CAMTA1: variants seen among roughly 807,000 people sequenced by gnomAD.
CAMTA1 encodes the protein calmodulin-binding transcription activator 1.
In CAMTA1, 27 loss-of-function variants were observed where a neutral mutation model predicts 170.9. The ratio of observed to expected loss-of-function variants is 0.16; its 90% confidence interval spans 0.12 to 0.22. The LOEUF is 0.22. CAMTA1 is among the 10% of genes least tolerant of loss of function. The pLI is 1.00. For missense variants in CAMTA1, 1,619 were observed against 2,217.2 expected, an observed-to-expected ratio of 0.73 and a Z score of 5.42; for synonymous variants, 833 against 891.5, an observed-to-expected ratio of 0.93 and a Z score of 1.17.
chr1:7,308,319 AT>A (rs1386951195), intron 5 of CAMTA1, among the ~76,000 whole-genome samples: 1 of 150,112 alleles, frequency 6.7e-6, no homozygotes, highest in African/African-American at 2.5e-5. Context: ...GCTTTCATTG[AT>A]TTTCTCTATT....
rs1006093968 is a variant in CAMTA1 at position 7,435,779 on chromosome 1, G to A, written c.439-32051G>A. ...CCTATCTGAAGTCAGGGCAATCCAC[G>A]CAGAGAGCCCTCCTCATGGCCCGGC... is the stretch of plus-strand genomic sequence containing the variant. On this transcript the variant is annotated intron_variant, in intron 5 of 22. Transcript: ENST00000303635. The surrounding 1 kb of genome is among the most constrained non-coding windows in gnomAD (Gnocchi z 4.4). Among the ~76,000 whole-genome samples, 4 of 152,178 alleles carry A rather than the reference G, an allele frequency of 2.6e-5. No homozygotes were observed. Among genetic ancestry groups the A allele is most frequent in the Admixed American group, 1.3e-4 (2 of 15,278 alleles).
chr1:7,363,563 G>A (rs1031366170), intron 5 of CAMTA1, among the ~76,000 whole-genome samples: 5 of 152,176 alleles, frequency 3.3e-5, no homozygotes, highest in Admixed American at 2.0e-4. Flanking sequence ...TTTGGTTCCT[G>A]CCAGTGAGTG....
At chr1:7,656,894 G>A (rs1035240620) in intron 7 of CAMTA1, among the ~76,000 whole-genome samples, 1 of 152,238 alleles carries the variant, frequency 6.6e-6, no homozygotes, top group African/African-American at 2.4e-5. Context: ...CCATAATTAG[G>A]GTAAACATCT....
chr1:6,907,491 G>T (rs1034520928), intron 3 of CAMTA1, among the ~76,000 whole-genome samples: 3 of 152,178 alleles, frequency 2.0e-5, no homozygotes, highest in African/African-American at 4.8e-5. Context: ...GCTCCTGGGG[G>T]AGTTTCACAT....
At chr1:6,797,015 G>T (rs188616747) in intron 1 of CAMTA1, among the ~76,000 whole-genome samples, 1 of 152,226 alleles carries the variant, frequency 6.6e-6, no homozygotes. Context: ...AATAATGCAT[G>T]ATTAGAATTG....
rs776753544 is a variant in CAMTA1 at position 7,464,453 on chromosome 1, A to G, written c.439-3377A>G. ...GATTCGCCACACGGCCTCATGGAAT[A>G]TTGTGCAATTAATCCCCAATTGGCT... On this transcript the variant is annotated intron_variant, in intron 5 of 22. Transcript: ENST00000303635. Among the ~76,000 whole-genome samples, 12 of 152,246 alleles carry G rather than the reference A, an allele frequency of 7.9e-5. 1 individual carries two copies. The highest frequency in any genetic ancestry group is 1.5e-4 in the Non-Finnish European group (10 of 68,050).
chr1:7,733,468 A>G (rs1460109784), intron 12 of CAMTA1, among the ~76,000 whole-genome samples: 1 of 152,228 alleles, frequency 6.6e-6, no homozygotes, highest in Non-Finnish European at 1.5e-5. Flanking sequence ...TGTAAGTTCC[A>G]TAAAGAATGT....
intron 5 of CAMTA1, among the ~76,000 whole-genome samples, chr1:7,331,404 C>A (rs1437792485): frequency 6.6e-6 from 1 of 152,206 alleles, no homozygotes; most frequent in Non-Finnish European, 1.5e-5. Context: ...GAATGAGGAT[C>A]TCACAAAGCT....
At chr1:7,136,527 A>G (rs1279420027) in intron 4 of CAMTA1, among the ~76,000 whole-genome samples, 2 of 148,208 alleles carry the variant, frequency 1.3e-5, no homozygotes, top group Non-Finnish European at 3.0e-5. Flanking sequence ...CCCTATCTTG[A>G]AAAAAAAAAG....
chr1:6,909,803 C>T (rs1325622037), intron 3 of CAMTA1, among the ~76,000 whole-genome samples: 1 of 152,218 alleles, frequency 6.6e-6, no homozygotes, highest in Non-Finnish European at 1.5e-5. Context: ...GAAAAGACTC[C>T]TGAGTGAACT....
intron 3 of CAMTA1, among the ~76,000 whole-genome samples, chr1:6,921,401 A>G (rs936418992): frequency 2.0e-5 from 3 of 152,218 alleles, no homozygotes; most frequent in Non-Finnish European, 4.4e-5. Context: ...TGTCAAAGCC[A>G]TTCAGCAAGT....
intron 5 of CAMTA1, among the ~76,000 whole-genome samples, chr1:7,465,595 C>G (rs933884572): frequency 2.0e-5 from 3 of 152,242 alleles, no homozygotes; most frequent in African/African-American, 2.4e-5. Context: ...AATGAGTGAG[C>G]CTTGATGTAG....
chr1:7,388,653 T>G (rs845230), intron 5 of CAMTA1, among the ~76,000 whole-genome samples: 102,207 of 152,096 alleles, frequency 0.67, 35,144 homozygotes, highest in Middle Eastern at 0.79. Context: ...CTGGCCTTGG[T>G]CTCCTGAGTC....
chr1:6,820,418 C>T (rs1646353814), intron 2 of CAMTA1, among the ~76,000 whole-genome samples, 168 bp downstream of exon 2: 1 of 152,024 alleles, frequency 6.6e-6, no homozygotes, highest in African/African-American at 2.4e-5. Context: ...TCTGGGGTAG[C>T]AAAAAGAATG....
chr1:7,277,575 A>G (rs142419354), intron 5 of CAMTA1, among the ~76,000 whole-genome samples: 1 of 152,016 alleles, frequency 6.6e-6, no homozygotes, highest in East Asian at 1.9e-4. Context: ...AAGGCCCTCC[A>G]TGGCAGACTA....
intron 3 of CAMTA1, among the ~76,000 whole-genome samples, chr1:7,081,754 G>A (rs1385800611): frequency 6.6e-6 from 1 of 152,212 alleles, no homozygotes; most frequent in African/African-American, 2.4e-5. Flanking sequence ...GCCAAGCAGT[G>A]GTTGCTGTGC....
intron 5 of CAMTA1, among the ~76,000 whole-genome samples, chr1:7,445,824 A>G (rs950698809): frequency 6.6e-6 from 1 of 152,184 alleles, no homozygotes; most frequent in African/African-American, 2.4e-5. Flanking sequence ...GGGTAGCATC[A>G]CTGAGGCTAG....
intron 4 of CAMTA1, among the ~76,000 whole-genome samples, chr1:7,118,702 G>A (rs914342420): frequency 6.6e-6 from 1 of 152,092 alleles, no homozygotes; most frequent in Admixed American, 6.6e-5. Context: ...GTCCCGGTGC[G>A]CTAGATGAAT....
At chr1:6,959,963 C>A (rs1690094762) in intron 3 of CAMTA1, among the ~76,000 whole-genome samples, 1 of 152,184 alleles carries the variant, frequency 6.6e-6, no homozygotes, top group Non-Finnish European at 1.5e-5. Flanking sequence ...GCTCTAAACA[C>A]TGCGTGCCTG....
Sources: gnomAD v4.1 joint callset for allele counts (sites outside exome capture counted in the v4.1 genomes callset) on GRCh38, gnomAD v4.1.1 for gene constraint, Gnocchi (gnomAD v3.1) non-coding constraint, MANE v1.5 for transcripts, NCBI Gene and HGNC (gene_info 2026-07-23, HGNC 2026-07-21) for gene names.